Variants in KCNIP1 observed in about 807,000 individuals in gnomAD.
The protein encoded by KCNIP1 is A-type potassium channel modulatory protein KCNIP1.
Under a neutral mutation model 33.0 loss-of-function variants are expected in KCNIP1, and 18 were observed. That is an observed-to-expected ratio of 0.55 (90% CI 0.38 to 0.81). The LOEUF is 0.81. Ranked by LOEUF, KCNIP1 falls within the 30% of genes least tolerant of loss-of-function variation. KCNIP1 has a pLI of 0.00. For missense variants in KCNIP1, 238 were observed against 271.6 expected (o/e 0.88, Z 0.87); for synonymous variants, 93 against 98.3 (o/e 0.95, Z 0.32).
At chr5:170,589,794 T>TGCGGTGCGGTGCG (rs1554103000) in intron 1 of KCNIP1, among the ~76,000 whole-genome samples, 23,483 of 111,362 alleles carry the variant, frequency 0.21, 4,469 homozygotes, top group Admixed American at 0.31. Flanking sequence ...TGTGATGTGG[T>TGCGGTGCGGTGCG]GTGCGGTGCG....
chr5:170,552,804 G>A (rs974241523), intron 1 of KCNIP1, among the ~76,000 whole-genome samples: 18 of 152,248 alleles, frequency 1.2e-4, no homozygotes, highest in Non-Finnish European at 1.8e-4. Context: ...GTTCAGCCGT[G>A]CTGCAGGGCA....
chr5:170,667,095 C>T (rs568464983), intron 1 of KCNIP1, among the ~76,000 whole-genome samples: 2 of 152,170 alleles, frequency 1.3e-5, no homozygotes, highest in East Asian at 1.9e-4. Context: ...GGGCGGATCA[C>T]GAGGTCAGGA....
intron 1 of KCNIP1, among the ~76,000 whole-genome samples, chr5:170,393,011 C>G (rs939256486): frequency 1.3e-5 from 2 of 152,210 alleles, no homozygotes; most frequent in Non-Finnish European, 2.9e-5. Context: ...TTCCTCTCCA[C>G]AATCCCCCAC....
chr5:170,735,894 C>A lies in KCNIP1; in HGVS notation c.*88C>A. ...GATCTGCCCTTGTTCTGATTTTACACACCAACTCTTGGGACAGAAACACCT... is the reference window on the plus strand; with the variant it reads ...GATCTGCCCTTGTTCTGATTTTACAAACCAACTCTTGGGACAGAAACACCT... On this transcript the variant is annotated 3_prime_UTR_variant, in exon 8 of 8. Coordinates refer to ENST00000328939, the MANE Select transcript of KCNIP1 (RefSeq NM_014592.4). The A allele has an allele frequency of 2.6e-6, 3 of 1,165,228 alleles. No individual in the cohort carries two copies. Among genetic ancestry groups the A allele is most frequent in the South Asian group, 1.3e-5 (1 of 79,412 alleles). The allele number at this position is 1,165,228 out of a possible 1,614,324, so 72.2% of individuals were successfully genotyped here. A position where few individuals can be genotyped will look rare whatever the true frequency, so the allele number is the denominator to read the frequency against.
At chr5:170,709,724 T>C (rs577458895) in intron 1 of KCNIP1, among the ~76,000 whole-genome samples, 1 of 152,230 alleles carries the variant, frequency 6.6e-6, no homozygotes. Context: ...CTCATTTTTT[T>C]AAAATGTTCA....
intron 1 of KCNIP1, among the ~76,000 whole-genome samples, chr5:170,580,569 G>A (rs1007937379): frequency 5.9e-5 from 9 of 152,126 alleles, no homozygotes; most frequent in Non-Finnish European, 8.8e-5. Flanking sequence ...ACCATACCCG[G>A]ATGGTCATGT....
At chr5:170,589,784 T>C in intron 1 of KCNIP1, among the ~76,000 whole-genome samples, 1 of 67,994 alleles carries the variant, frequency 1.5e-5, no homozygotes, top group Admixed American at 1.7e-4. Context: ...TGTGGTGTGA[T>C]GTGATGTGGT....
intron 1 of KCNIP1, among the ~76,000 whole-genome samples, chr5:170,368,264 G>T (rs1763750127): frequency 6.6e-6 from 1 of 151,916 alleles, no homozygotes; most frequent in Non-Finnish European, 1.5e-5. Flanking sequence ...TTGTTTGTTT[G>T]TTTGTTTGTT....
At chr5:170,552,001 G>A (rs949825009) in intron 1 of KCNIP1, among the ~76,000 whole-genome samples, 1 of 146,360 alleles carries the variant, frequency 6.8e-6, no homozygotes, top group South Asian at 2.2e-4. Flanking sequence ...GTGTGCGTAT[G>A]TGTGTGTGAG....
intron 1 of KCNIP1, among the ~76,000 whole-genome samples, chr5:170,717,936 A>G (rs1459765749): frequency 6.6e-6 from 1 of 152,236 alleles, no homozygotes; most frequent in Non-Finnish European, 1.5e-5. Flanking sequence ...GGCAGGGCCC[A>G]AAGGAAATCA....
rs187726956 is a variant in KCNIP1 at position 170,358,466 on chromosome 5, C to T, written c.88+4502C>T. ...ATCCTCAAGAGACTGACCTTGGACC[C>T]GGGCATGGACTCTGCCTTCAAGCAG... On this transcript the variant is annotated intron_variant, in intron 1 of 7. Coordinates refer to the KCNIP1 transcript ENST00000377360. Among the ~76,000 whole-genome samples the T allele has an allele frequency of 1.6e-3, 247 of 152,270 alleles. 1 individual carries two copies. The highest frequency in any genetic ancestry group is 1.5e-3 in the Non-Finnish European group (104 of 68,012).
At chr5:170,709,913 C>G (rs1763387483) in intron 1 of KCNIP1, among the ~76,000 whole-genome samples, 1 of 151,872 alleles carries the variant, frequency 6.6e-6, no homozygotes, top group African/African-American at 2.4e-5. Flanking sequence ...TGTTGCCCAG[C>G]CTGGAGTGCA....
chr5:170,353,815 G>A, exon 1 of KCNIP1: 1 of 1,498,380 alleles, frequency 6.7e-7, no homozygotes, highest in Non-Finnish European at 9.2e-7. Flanking sequence ...TTCCTGGGGT[G>A]CACAAGGTGG....
At chr5:170,645,147 A>C in intron 1 of KCNIP1, among the ~76,000 whole-genome samples, 1 of 152,174 alleles carries the variant, frequency 6.6e-6, no homozygotes, top group East Asian at 1.9e-4. Flanking sequence ...TACTTAACAA[A>C]GAGACTCTGT....
chr5:170,398,149 C>A (rs1314700761), intron 1 of KCNIP1, among the ~76,000 whole-genome samples: 1 of 152,142 alleles, frequency 6.6e-6, no homozygotes, highest in Non-Finnish European at 1.5e-5. Flanking sequence ...CATAATGAGG[C>A]ATATCTGGAC....
intron 1 of KCNIP1, among the ~76,000 whole-genome samples, chr5:170,600,721 C>T (rs751658852): frequency 6.6e-6 from 1 of 152,214 alleles, no homozygotes. Context: ...AGGGGCAGGA[C>T]AGCAAATGGT....
At chr5:170,714,779 G>A (rs1484817367) in intron 1 of KCNIP1, among the ~76,000 whole-genome samples, 2 of 151,674 alleles carry the variant, frequency 1.3e-5, no homozygotes, top group African/African-American at 4.8e-5. Flanking sequence ...GTACAGCTAG[G>A]CAGTGTGAAT....
rs1190973856 is a variant in KCNIP1 at position 170,704,264 on chromosome 5, A to G, written c.62-14494A>G. ...TGCTGATTCAATTTCTCCTAATAAA[A>G]TAGGAACAATAATTAGCTAATAAGA... On this transcript the variant is annotated intron_variant, in intron 1 of 7. Transcript: ENST00000328939. 3.0e-5 allele frequency among the ~76,000 whole-genome samples: 3 copies of G among 98,734 alleles called. 1 individual carries two copies. The highest frequency in any genetic ancestry group is 5.9e-5 in the Non-Finnish European group (3 of 50,692). 64.8% of individuals were successfully genotyped at this position (98,734 alleles called of 152,430 possible).
Position 170,732,910 on chromosome 5 carries a change from T to C in KCNIP1, c.540+6T>C. 1 of 1,564,782 alleles carries C rather than the reference T, an allele frequency of 6.4e-7. No individual in the cohort carries two copies. Among genetic ancestry groups the C allele is most frequent in the Non-Finnish European group, 8.8e-7 (1 of 1,135,116 alleles). On this transcript the variant is annotated splice_donor_region_variant and intron_variant, in intron 6 of 7. Coordinates refer to ENST00000328939, the MANE Select transcript of KCNIP1 (RefSeq NM_014592.4). ...ATGTGGACGTCTTCTTCCAGGTAAGTGCACACACCCTGCACATGAGCTGTA... is the reference window on the plus strand; with the variant it reads ...ATGTGGACGTCTTCTTCCAGGTAAGCGCACACACCCTGCACATGAGCTGTA...
Sources: allele counts gnomAD v4.1 joint callset (sites outside exome capture counted in the v4.1 genomes callset), GRCh38; gene constraint gnomAD v4.1.1; transcripts MANE v1.5; gene names NCBI Gene and HGNC (gene_info 2026-07-23, HGNC 2026-07-21).